Variants in FN1 observed in about 807,000 individuals in gnomAD.
FN1 encodes fibronectin 1.
In FN1, 106 loss-of-function variants were observed where a neutral mutation model predicts 297.3. The ratio of observed to expected loss-of-function variants is 0.36; its 90% CI spans 0.30 to 0.42. The LOEUF (loss-of-function observed/expected upper bound fraction) is 0.42, where lower values mean the gene tolerates loss of function less well. FN1 is among the 10% of genes least tolerant of loss of function. FN1 has a pLI of 1.00. For synonymous variants in FN1, 1,149 were observed against 1,152.6 expected (o/e 1.00, Z 0.06); for missense variants, 2,690 against 3,124.9 (o/e 0.86, Z 3.32).
intron 28 of FN1, 123 bp downstream of exon 28, chr2:215,386,566 C>T (rs2059024126): frequency 1.4e-6 from 1 of 691,518 alleles, no homozygotes; most frequent in African/African-American, 2.3e-5. Flanking sequence ...TGACAATGAT[C>T]TATTTTTTTT....
chr2:215,375,582 G>A (rs369726773), intron 37 of FN1, 47 bp downstream of exon 37: 1 of 1,381,686 alleles, frequency 7.2e-7, no homozygotes, highest in Non-Finnish European at 1.0e-6. Context: ...TCATGAAACT[G>A]ATTGCATACA....
At chr2:215,368,616 A>T (rs2055170391) in intron 41 of FN1, among the ~76,000 whole-genome samples, 1 of 152,260 alleles carries the variant, frequency 6.6e-6, no homozygotes, top group South Asian at 2.1e-4. Flanking sequence ...GCATTTTAAT[A>T]TACCATTATA....
chr2:215,375,904 C>T (rs971070850), intron 36 of FN1, among the ~76,000 whole-genome samples, 186 bp from the exon 37 acceptor site: 6 of 152,100 alleles, frequency 3.9e-5, no homozygotes, highest in Admixed American at 6.5e-5. Flanking sequence ...AAACATATCT[C>T]GAAAGTGAAT....
rs1428163954 is a variant in FN1, at chr2:215,361,951, T to G, written c.7362+18A>C. ...TGTCTAGTATGAGGGAACACACTTG[T>G]GCTGCTAATGCACTTACAGTGTTTG... On this transcript the variant is annotated intron_variant, in intron 45 of 45. Transcript: ENST00000354785. 6.2e-7 allele frequency: 1 copy of G among 1,611,922 alleles called. No individual in the cohort carries two copies. Among genetic ancestry groups the G allele is most frequent in the Non-Finnish European group, 8.5e-7 (1 of 1,178,224 alleles).
chr2:215,401,234 GAAAGAAAGAAAGAAAGGAAGAAAGA>G lies in FN1; in HGVS notation c.3254-1908_3254-1884del, dbSNP rs2061035678. Among the ~76,000 whole-genome samples the G allele has an allele frequency of 2.5e-4, 14 of 56,102 alleles. 2 individuals are homozygous for G. The South Asian group carries it at 5.3e-3, about 21-fold the overall frequency. 36.8% of individuals were successfully genotyped at this position (56,102 alleles called of 152,430 possible). On this transcript the variant is annotated intron_variant, in intron 20 of 45. Coordinates refer to ENST00000354785, the MANE Select transcript of FN1 (RefSeq NM_212482.4). ...AGAAAGAAAGAAAGAAAGAAAGAAA[GAAAGAAAGAAAGAAAGGAAGAAAGA>G]AAGGAAGGAAAGGAAAGGAAAGGAA...
rs780927037 is a variant in FN1 at position 215,422,158 on chromosome 2, C to G, written c.1479G>C (p.Met493Ile). The G allele has an allele frequency of 5.6e-6, 9 of 1,614,072 alleles. No individual in the cohort carries two copies. The African/African-American group carries it at 6.7e-5, about 12-fold the overall frequency. ...QWDKQHDMGH[M>I]MRCTCVGNGR... ...CATTCCCAACACACGTGCACCTCAT[C>G]ATGTGACCCATGTCATGCTGCTTAT... Residue 493 changes from methionine (M) to isoleucine (I), a missense_variant, in exon 10 of 46, where the codon ATG becomes ATC. Met to Ile is a conservative substitution (Grantham distance 10). This residue lies in a region of FN1 where 876 missense variants were observed against 1,058.1 expected (regional missense o/e 0.83). Transcript: ENST00000354785.
chr2:215,370,497 C>G, intron 40 of FN1, 65 bp from the exon 41 acceptor site: 1 of 1,321,816 alleles, frequency 7.6e-7, no homozygotes, highest in African/African-American at 1.5e-5. Context: ...ACGGGCTCTC[C>G]TCTTACCAAT....
chr2:215,404,626 C>T lies in FN1; in HGVS notation c.3016G>A (p.Val1006Ile), dbSNP rs774089323. 1 of 1,613,908 alleles carries T rather than the reference C, an allele frequency of 6.2e-7. No homozygotes were observed. The highest frequency in any genetic ancestry group is 8.5e-7 in the Non-Finnish European group (1 of 1,179,796). ...AGGACAGTAGAATCAGTTTCATTGA[C>T]AAACTGGAGGTTAGTGGGAGCATCC... is the stretch of plus-strand genomic sequence containing the variant. ...KLDAPTNLQF[V>I]NETDSTVLVR... Residue 1006 changes from valine (V) to isoleucine (I), a missense_variant, in exon 20 of 46, where the codon GTC (valine) becomes ATC (isoleucine). This residue lies in a region of FN1 where 1,743 missense variants were observed against 1,945.2 expected (regional missense o/e 0.90). Transcript: ENST00000354785.
chr2:215,425,710 G>A (rs2065205804), intron 6 of FN1, among the ~76,000 whole-genome samples: 1 of 151,972 alleles, frequency 6.6e-6, no homozygotes, highest in Non-Finnish European at 1.5e-5. Flanking sequence ...GCACCACCAT[G>A]CCCAGCTGAT....
chr2:215,377,085 T>A (rs200077102), intron 35 of FN1, among the ~76,000 whole-genome samples: 44,358 of 104,374 alleles, frequency 0.42, 7,443 homozygotes, highest in South Asian at 0.59. Flanking sequence ...AGAGAGAGTG[T>A]GTGTGTGTGT....
At chr2:215,411,529 T>A (rs1341078588) in intron 13 of FN1, among the ~76,000 whole-genome samples, 3 of 152,180 alleles carry the variant, frequency 2.0e-5, no homozygotes, top group African/African-American at 7.2e-5. Flanking sequence ...GCTTGTTTGG[T>A]TAGTTATTAC....
intron 34 of FN1, 143 bp from the exon 35 acceptor site, chr2:215,378,405 AT>A: frequency 1.4e-6 from 1 of 691,920 alleles, no homozygotes; most frequent in Non-Finnish European, 2.6e-6. Flanking sequence ...AAATTCCTAG[AT>A]TAATTTCATT....
intron 12 of FN1, among the ~76,000 whole-genome samples, chr2:215,417,967 A>AT (rs35819982): frequency 1.2e-4 from 18 of 152,164 alleles, no homozygotes; most frequent in South Asian, 2.1e-4. Flanking sequence ...ACCACAGAGC[A>AT]TTTTTTTAGA....
intron 12 of FN1, among the ~76,000 whole-genome samples, chr2:215,416,243 TTGAATC>T (rs1260036781): frequency 6.6e-6 from 1 of 152,168 alleles, no homozygotes; most frequent in African/African-American, 2.4e-5. Flanking sequence ...AGCAAATACT[TTGAATC>T]TTAATTCCAT....
At chr2:215,406,902 G>T (rs1457561816) in intron 18 of FN1, among the ~76,000 whole-genome samples, 1 of 152,102 alleles carries the variant, frequency 6.6e-6, no homozygotes, top group Non-Finnish European at 1.5e-5. Flanking sequence ...AAGCTTCTAG[G>T]GGAAAATTTG....
At chr2:215,385,726 A>T (rs1346272135) in intron 28 of FN1, among the ~76,000 whole-genome samples, 2 of 151,064 alleles carry the variant, frequency 1.3e-5, no homozygotes, top group Non-Finnish European at 2.9e-5. Context: ...TGACACTATT[A>T]CCCTAAAATT....
intron 42 of FN1, 74 bp from the exon 43 acceptor site, chr2:215,365,704 G>T: frequency 6.8e-7 from 1 of 1,466,780 alleles, no homozygotes; most frequent in Non-Finnish European, 9.5e-7. Context: ...GGTGAACTGG[G>T]ACGTGTCACA....
At chr2:215,401,251 G>GAAAA (rs1559475860) in intron 20 of FN1, among the ~76,000 whole-genome samples, 5 of 80,170 alleles carry the variant, frequency 6.2e-5, no homozygotes, top group African/African-American at 2.1e-4. Flanking sequence ...AGAAAGAAAG[G>GAAAA]AAGAAAGAAA....
At position 215,385,778 on chromosome 2, in the gene FN1, C is replaced by CCTTTTTTTTTTTTTTTTTT. The variant is rs1396754880; in HGVS notation, c.4613-803_4613-802insAAAAAAAAAAAAAAAAAAG. On this transcript the variant is annotated intron_variant, in intron 28 of 45. Coordinates refer to ENST00000354785, the MANE Select transcript of FN1 (RefSeq NM_212482.4). ...TTTGAAACAGTGTTCAGTTTTCCACCTTTTTTTTTTTTTTTTTTGAGACAG... is the reference window on the plus strand; with the variant it reads ...TTTGAAACAGTGTTCAGTTTTCCACCCTTTTTTTTTTTTTTTTTTTTTTTTTTTTTTTTTTTTGAGACAG... Among the ~76,000 whole-genome samples, 2 of 120,406 alleles carry CCTTTTTTTTTTTTTTTTTT rather than the reference C, an allele frequency of 1.7e-5. 1 individual carries two copies. The highest frequency in any genetic ancestry group is 3.5e-5 in the Non-Finnish European group (2 of 57,858). 79.0% of individuals were successfully genotyped at this position (120,406 alleles called of 152,430 possible).
Sources: allele counts gnomAD v4.1 joint callset (sites outside exome capture counted in the v4.1 genomes callset), GRCh38; gene constraint gnomAD v4.1.1; regional missense constraint gnomAD v4.1.1; transcripts MANE v1.5; gene names NCBI Gene and HGNC (gene_info 2026-07-23, HGNC 2026-07-21).